EPS15: variants seen among roughly 807,000 people sequenced by gnomAD.
EPS15 encodes the protein epidermal growth factor receptor substrate 15.
EPS15 carries 72 observed loss-of-function variants against 113.8 expected under a neutral mutation model. The ratio of observed to expected loss-of-function variants is 0.63; its 90% CI spans 0.52 to 0.77. The LOEUF (loss-of-function observed/expected upper bound fraction) is 0.77, where lower values mean the gene tolerates loss of function less well. EPS15 is among the 30% of genes least tolerant of loss of function. The pLI is 0.00. For synonymous variants in EPS15, 344 were observed against 363.4 expected, an observed-to-expected ratio of 0.95 and a Z score of 0.61; for missense variants, 1,048 against 1,045.8, an observed-to-expected ratio of 1.00 and a Z score of -0.03.
intron 1 of EPS15, among the ~76,000 whole-genome samples, chr1:51,489,596 T>C (rs950933147): frequency 6.6e-6 from 1 of 152,098 alleles, no homozygotes; most frequent in Middle Eastern, 3.2e-3. Flanking sequence ...GGTATTATAA[T>C]TCCCAGTCGT....
At chr1:51,512,231 G>C (rs1644633797) in intron 1 of EPS15, among the ~76,000 whole-genome samples, 1 of 152,160 alleles carries the variant, frequency 6.6e-6, no homozygotes, top group Admixed American at 6.5e-5. Context: ...ATCACAACAT[G>C]CTTAAGAGGT....
chr1:51,498,162 T>C (rs1411002873), intron 1 of EPS15, among the ~76,000 whole-genome samples: 1 of 152,196 alleles, frequency 6.6e-6, no homozygotes, highest in South Asian at 2.1e-4. Context: ...TGCCTGACCA[T>C]TGATAAATTC....
intron 13 of EPS15, among the ~76,000 whole-genome samples, chr1:51,420,270 T>C (rs1259975700): frequency 2.6e-5 from 4 of 152,160 alleles, no homozygotes; most frequent in Non-Finnish European, 4.4e-5. Flanking sequence ...TGTTCAGGGA[T>C]AGCCTATTTA....
chr1:51,405,599 G>A lies in EPS15; in HGVS notation c.1677+306C>T, dbSNP rs780307204. Reference sequence around the variant, plus strand: ...TGTAATCCCAGCTACTCAGGAGGCTGAGGCAGGAGAATTGCTTGAACCCAG... The same window carrying A: ...TGTAATCCCAGCTACTCAGGAGGCTAAGGCAGGAGAATTGCTTGAACCCAG... On this transcript the variant is annotated intron_variant, in intron 16 of 24. Coordinates refer to ENST00000371733, the MANE Select transcript of EPS15 (RefSeq NM_001981.3). Among the ~76,000 whole-genome samples, 7 of 152,086 alleles carry A rather than the reference G, an allele frequency of 4.6e-5. No homozygotes were observed. The Middle Eastern group carries it at 0.01, about 222-fold the overall frequency.
Position 51,400,927 on chromosome 1 carries a change from C to G in EPS15, c.1909G>C (p.Gly637Arg). Residue 637 changes from glycine (G) to arginine (R), a missense_variant, in exon 19 of 25, where the codon GGA becomes CGA. Gly to Arg is a moderately radical substitution (Grantham distance 125). Transcript: ENST00000371733. The part of the protein sequence containing the change: ...GSDPFKDDPF[G>R]KIDPFGGDPF... ...TCAATAAGATACTGACCGATTTTTC[C>G]AAAAGGATCATCCTTGAAAGGATCA... 1 of 1,582,706 alleles carries G rather than the reference C, an allele frequency of 6.3e-7. No individual in the cohort carries two copies. Among genetic ancestry groups the G allele is most frequent in the South Asian group, 1.2e-5 (1 of 86,404 alleles).
In EPS15 at chr1:51,354,350, C is replaced by T. The variant is rs1646171092; in HGVS notation, c.*2350G>A. The T allele has an allele frequency of 5.6e-6, 1 of 179,938 alleles. No homozygotes were observed. The highest frequency in any genetic ancestry group is 1.2e-5 in the Non-Finnish European group (1 of 84,026). The allele number at this position is 179,938 out of a possible 1,614,324, so 11.1% of individuals were successfully genotyped here. A position where few individuals can be genotyped will look rare whatever the true frequency, so the allele number is the denominator to read the frequency against. On this transcript the variant is annotated 3_prime_UTR_variant, in exon 25 of 25. Transcript: ENST00000371733. ...AATCTGTGCTGATTGTATGTACCTA[C>T]TCCTCCTTGGACACAGCATGGACAT... is the stretch of plus-strand genomic sequence containing the variant.
chr1:51,379,902 A>C (rs1245718688), intron 21 of EPS15, among the ~76,000 whole-genome samples: 2 of 152,086 alleles, frequency 1.3e-5, no homozygotes, highest in African/African-American at 4.8e-5. Flanking sequence ...TCTCTGCTAA[A>C]GATACAAAAA....
At chr1:51,410,392 C>CA (rs575050577) in intron 13 of EPS15, among the ~76,000 whole-genome samples, 12,555 of 97,492 alleles carry the variant, frequency 0.13, 639 homozygotes, top group Middle Eastern at 0.23. Flanking sequence ...ACACTGTCTC[C>CA]AAAAAAAAAA....
chr1:51,382,945 A>G (rs1216226602), intron 21 of EPS15, among the ~76,000 whole-genome samples: 1 of 152,238 alleles, frequency 6.6e-6, no homozygotes, highest in Non-Finnish European at 1.5e-5. Flanking sequence ...ATGAGAAAAG[A>G]AAACTATAGA....
chr1:51,440,671 C>T (rs922518568), intron 11 of EPS15, among the ~76,000 whole-genome samples: 1 of 151,816 alleles, frequency 6.6e-6, no homozygotes, highest in African/African-American at 2.4e-5. Flanking sequence ...ATACTATGTA[C>T]CCCATCCCCA....
intron 4 of EPS15, among the ~76,000 whole-genome samples, chr1:51,468,824 T>C (rs1042845768): frequency 1.3e-5 from 2 of 152,090 alleles, no homozygotes; most frequent in African/African-American, 4.8e-5. Context: ...TACAGAATAC[T>C]CATGTTTAAA....
intron 4 of EPS15, 53 bp from the exon 5 acceptor site, chr1:51,468,621 T>C (rs563149092): frequency 2.4e-5 from 27 of 1,106,746 alleles, no homozygotes; most frequent in Middle Eastern, 2.0e-4. Context: ...CCAACTTACC[T>C]ACCTGCACAA....
Position 51,390,301 on chromosome 1 carries a change from T to C in EPS15, c.2119+4080A>G, listed in dbSNP as rs572593392. Among the ~76,000 whole-genome samples the C allele has an allele frequency of 2.0e-4, 30 of 152,114 alleles. No individual in the cohort carries two copies. In the South Asian group the frequency reaches 6.2e-3, roughly 32 times the overall value. On this transcript the variant is annotated intron_variant, in intron 21 of 24. Transcript: ENST00000371733. ...AACTGGATCCCTTCCTTACACCTTA[T>C]ACAAAAATTAATTCAAGATGGATTA... is the stretch of plus-strand genomic sequence containing the variant.
chr1:51,372,349 T>C (rs1234072650), intron 21 of EPS15: 8 of 535,374 alleles, frequency 1.5e-5, no homozygotes, highest in Admixed American at 5.8e-5. Context: ...ATCAGCAAGG[T>C]TGGAAACCAG....
intron 8 of EPS15, among the ~76,000 whole-genome samples, chr1:51,454,703 T>TA (rs1457980434): frequency 6.6e-6 from 1 of 152,206 alleles, no homozygotes; most frequent in African/African-American, 2.4e-5. Context: ...ACATGACAAC[T>TA]AAATGCAACG....
At chr1:51,379,769 TAGTG>T (rs1236538184) in intron 21 of EPS15, among the ~76,000 whole-genome samples, 1 of 150,372 alleles carries the variant, frequency 6.7e-6, no homozygotes, top group Non-Finnish European at 1.5e-5. Context: ...ATACAAAAAT[TAGTG>T]AGGCATGGCT....
chr1:51,406,527 C>T (rs1266455372), intron 15 of EPS15, among the ~76,000 whole-genome samples: 1 of 152,138 alleles, frequency 6.6e-6, no homozygotes, highest in South Asian at 2.1e-4. Context: ...GATACATTTG[C>T]TTCCTTTAAG....
chr1:51,405,783 A>C, intron 16 of EPS15, 122 bp downstream of exon 16: 3 of 763,012 alleles, frequency 3.9e-6, no homozygotes, highest in Non-Finnish European at 6.7e-6. Flanking sequence ...TGCTTCTAAA[A>C]AGGAAATCTC....
At chr1:51,362,546 C>T (rs1646412038) in intron 23 of EPS15, among the ~76,000 whole-genome samples, 1 of 152,108 alleles carries the variant, frequency 6.6e-6, no homozygotes, top group African/African-American at 2.4e-5. Flanking sequence ...GCAAATTAAC[C>T]ATTATTTATT....
Sources: gnomAD v4.1 joint callset for allele counts (sites outside exome capture counted in the v4.1 genomes callset) on GRCh38, gnomAD v4.1.1 for gene constraint, MANE v1.5 for transcripts, NCBI Gene and HGNC (gene_info 2026-07-23, HGNC 2026-07-21) for gene names.